The following DCAF8L2 variants were observed in gnomAD, a reference collection of about 807,000 sequenced individuals.
DCAF8L2 encodes the protein DDB1- and CUL4-associated factor 8-like protein 2.
For synonymous variants in DCAF8L2, 200 were observed against 190.9 expected (o/e 1.05, Z -0.39); for missense variants, 430 against 490.7 (o/e 0.88, Z 1.17).
At chrX:27,533,170 GAAAGAAAGAA>G in the DCAF8L2 span, among the ~76,000 whole-genome samples, 151 of 12,630 alleles carry the variant, frequency 0.012, 1 homozygote, top group African/African-American at 0.026. Flanking sequence ...GAGAGAGAAA[GAAAGAAAGAA>G]AGAAAGAAAG....
intron 2 of DCAF8L2, among the ~76,000 whole-genome samples, chrX:27,677,329 T>G (rs1313917398): frequency 8.9e-6 from 1 of 111,843 alleles, no homozygotes; most frequent in African/African-American, 3.2e-5. Context: ...GAGAATTATT[T>G]TCTAATAGGA....
intron 2 of DCAF8L2, among the ~76,000 whole-genome samples, chrX:27,661,813 G>A (rs754812550): frequency 3.6e-5 from 4 of 111,658 alleles, no homozygotes; most frequent in Non-Finnish European, 5.6e-5. Flanking sequence ...GAAAATATCA[G>A]TGAGAAATAT....
At chrX:27,608,025 A>C (rs528279865) in intron 1 of DCAF8L2, among the ~76,000 whole-genome samples, 5 of 111,809 alleles carry the variant, frequency 4.5e-5, no homozygotes, top group African/African-American at 1.6e-4. Context: ...GTTATGACAT[A>C]GTTCTTTGCT....
intron 3 of DCAF8L2, among the ~76,000 whole-genome samples, chrX:27,695,523 A>G (rs1302334033): frequency 8.9e-6 from 1 of 111,843 alleles, no homozygotes; most frequent in Non-Finnish European, 1.9e-5. Flanking sequence ...TTACATGGGT[A>G]TCTTTGACAA....
the DCAF8L2 span, among the ~76,000 whole-genome samples, chrX:27,516,989 G>A: frequency 9.0e-6 from 1 of 111,162 alleles, no homozygotes; most frequent in Non-Finnish European, 1.9e-5. Flanking sequence ...ACTCTCCTAG[G>A]GAACTACTAC....
chrX:27,618,140 A>G (rs1927563992), intron 1 of DCAF8L2, among the ~76,000 whole-genome samples: 1 of 112,193 alleles, frequency 8.9e-6, no homozygotes, highest in South Asian at 3.6e-4. Context: ...AAATAAAATT[A>G]CAGAATTAAC....
At chrX:27,598,418 C>A (rs910357570) in intron 1 of DCAF8L2, among the ~76,000 whole-genome samples, 1 of 112,316 alleles carries the variant, frequency 8.9e-6, no homozygotes, top group African/African-American at 3.2e-5. Context: ...CCCTCCTCTA[C>A]GCCCAGAGAG....
chrX:27,746,389 C>T (rs1297784404), intron 4 of DCAF8L2, among the ~76,000 whole-genome samples: 3 of 112,073 alleles, frequency 2.7e-5, no homozygotes, highest in Non-Finnish European at 5.6e-5. Context: ...TCTTGTATGT[C>T]AAAAAGTCAC....
At chrX:27,496,885 C>A in the DCAF8L2 span, among the ~76,000 whole-genome samples, 6 of 112,398 alleles carry the variant, frequency 5.3e-5, no homozygotes, top group Non-Finnish European at 1.1e-4. Flanking sequence ...TGAAAAGGAA[C>A]AATCTATTGA....
At chrX:27,708,510 T>C (rs1338067711) in intron 3 of DCAF8L2, among the ~76,000 whole-genome samples, 1 of 112,020 alleles carries the variant, frequency 8.9e-6, no homozygotes, top group Non-Finnish European at 1.9e-5. Context: ...AGTGCTACAC[T>C]CAACTCTCAT....
At chrX:27,533,093 A>G in the DCAF8L2 span, among the ~76,000 whole-genome samples, 2 of 82,836 alleles carry the variant, frequency 2.4e-5, no homozygotes, top group Non-Finnish European at 4.9e-5. Context: ...AGTTAAAAAG[A>G]AAGAAAGGAA....
the DCAF8L2 span, among the ~76,000 whole-genome samples, chrX:27,543,667 G>C: frequency 9.0e-6 from 1 of 111,055 alleles, no homozygotes; most frequent in Non-Finnish European, 1.9e-5. Context: ...AGCACAGAAA[G>C]GCAGAGGGAA....
At chrX:27,602,021 G>T (rs932384981) in intron 1 of DCAF8L2, among the ~76,000 whole-genome samples, 4 of 111,729 alleles carry the variant, frequency 3.6e-5, no homozygotes, top group Non-Finnish European at 7.5e-5. Flanking sequence ...CTTATGACCA[G>T]ATACCAGAAG....
the DCAF8L2 span, among the ~76,000 whole-genome samples, chrX:27,488,115 A>G: frequency 1.8e-5 from 2 of 111,798 alleles, no homozygotes; most frequent in Non-Finnish European, 1.9e-5. Context: ...TCCATTGGCA[A>G]TGTGTGAGGG....
At chrX:27,744,991 T>G (rs1372790586) in intron 4 of DCAF8L2, among the ~76,000 whole-genome samples, 1 of 112,154 alleles carries the variant, frequency 8.9e-6, no homozygotes, top group Non-Finnish European at 1.9e-5. Context: ...CAAAGCGAAA[T>G]GGACTAAGAC....
intron 3 of DCAF8L2, among the ~76,000 whole-genome samples, chrX:27,682,013 G>A (rs1428193797): frequency 9.0e-6 from 1 of 111,422 alleles, no homozygotes; most frequent in Non-Finnish European, 1.9e-5. Context: ...ACCCAGTCTA[G>A]AGTGCAGTAG....
intron 1 of DCAF8L2, among the ~76,000 whole-genome samples, chrX:27,614,682 C>T (rs774453375): frequency 1.8e-5 from 2 of 111,645 alleles, no homozygotes; most frequent in Admixed American, 1.9e-4. Flanking sequence ...CAGAGAACAT[C>T]TTTATTTCTG....
chrX:27,730,418 A>G (rs1341196906), intron 4 of DCAF8L2, among the ~76,000 whole-genome samples: 1 of 111,289 alleles, frequency 9.0e-6, no homozygotes, highest in Middle Eastern at 4.6e-3. Context: ...ACTGAATCAC[A>G]TATTTATTTT....
intron 4 of DCAF8L2, among the ~76,000 whole-genome samples, chrX:27,721,349 G>A (rs1931894020): frequency 9.0e-6 from 1 of 111,509 alleles, no homozygotes; most frequent in Non-Finnish European, 1.9e-5. Flanking sequence ...ATAAGGTACT[G>A]ATACATAATG....
Sources: allele counts gnomAD v4.1 joint callset (sites outside exome capture counted in the v4.1 genomes callset), GRCh38; gene constraint gnomAD v4.1.1; transcripts MANE v1.5; gene names NCBI Gene and HGNC (gene_info 2026-07-23, HGNC 2026-07-21).